ATP2A2: variants seen among roughly 807,000 people sequenced by gnomAD.
ATP2A2 encodes sarcoplasmic/endoplasmic reticulum calcium ATPase 2.
Under a neutral mutation model 109.3 loss-of-function variants are expected in ATP2A2, and 14 were observed. The ratio of observed to expected loss-of-function variants is 0.13; its 90% CI spans 0.08 to 0.20. The LOEUF (loss-of-function observed/expected upper bound fraction) is 0.20, where lower values mean the gene tolerates loss of function less well. Among genes scored for constraint, ATP2A2 ranks in the 10% least tolerant of loss-of-function variants. The pLI is 1.00. For missense variants in ATP2A2, 657 were observed against 1,321.6 expected (o/e 0.50, Z 7.80); for synonymous variants, 506 against 490.9 (o/e 1.03, Z -0.41).
intron 1 of ATP2A2, 139 bp downstream of exon 1, chr12:110,282,046 C>T (rs1872156412): frequency 1.7e-6 from 1 of 591,428 alleles, no homozygotes; most frequent in African/African-American, 2.0e-5. Flanking sequence ...AGCGCGCCGG[C>T]CCCGCGGGAG....
chr12:110,293,265 G>T (rs1289943579), intron 4 of ATP2A2, among the ~76,000 whole-genome samples: 2 of 151,232 alleles, frequency 1.3e-5, no homozygotes, highest in Non-Finnish European at 2.9e-5. Flanking sequence ...TAGTAGAGAC[G>T]GGGTTTCACC....
chr12:110,339,508 T>G lies in ATP2A2; in HGVS notation c.1548T>G (p.Ala516=). Residue 516 remains alanine (A), a synonymous_variant, in exon 13 of 20, where the codon GCT becomes GCG. Transcript: ENST00000539276. This position sits in a 1 kb window ranked among gnomAD's most constrained non-coding sequence, Gnocchi z 4.4. ...TAAATCTGTAACATTTCCAGGGTGC[T>G]CCTGAAGGTGTCATTGACAGGTGCA... ...TSMSKMFVKG[A]PEGVIDRCTH... The G allele has an allele frequency of 2.5e-6, 4 of 1,614,026 alleles. No individual in the cohort carries two copies. The highest frequency in any genetic ancestry group is 3.4e-6 in the Non-Finnish European group (4 of 1,179,964).
chr12:110,313,234 A>C (rs1327272362), intron 5 of ATP2A2, among the ~76,000 whole-genome samples: 1 of 151,708 alleles, frequency 6.6e-6, no homozygotes, highest in African/African-American at 2.4e-5. Flanking sequence ...GGAAGTGCCA[A>C]CCTTTTCATT....
In ATP2A2 at chr12:110,345,998, C is replaced by T. The variant is rs1400726668; in HGVS notation, c.2742-3C>T. On this transcript the variant is annotated splice_polypyrimidine_tract_variant and splice_region_variant and intron_variant, in intron 18 of 19. Coordinates refer to ENST00000539276, the MANE Select transcript of ATP2A2 (RefSeq NM_170665.4). Reference sequence around the variant, plus strand: ...CGTTTCCCCACCTCTCCTTGCTCTGCAGCTTGTCCGAAAACCAGTCCTTGC... The same window carrying T: ...CGTTTCCCCACCTCTCCTTGCTCTGTAGCTTGTCCGAAAACCAGTCCTTGC... The T allele has an allele frequency of 2.5e-6, 4 of 1,614,012 alleles. No homozygotes were observed. In the African/African-American group the frequency reaches 5.3e-5, roughly 22 times the overall value.
At chr12:110,291,695 A>G (rs145209966) in intron 3 of ATP2A2, among the ~76,000 whole-genome samples, 10 of 138,530 alleles carry the variant, frequency 7.2e-5, no homozygotes, top group Non-Finnish European at 1.1e-4. Context: ...CTGGAGTGCA[A>G]TGGCATGCAG....
chr12:110,334,851 G>T (rs1382668551), intron 11 of ATP2A2, among the ~76,000 whole-genome samples: 1 of 152,040 alleles, frequency 6.6e-6, no homozygotes, highest in East Asian at 1.9e-4. Context: ...GCCTCCCAAA[G>T]TGCTGGGATT....
In ATP2A2 at chr12:110,349,049, C is replaced by G. The variant is rs2137884805; in HGVS notation, c.*2579C>G. 2 of 985,452 alleles carry G rather than the reference C, an allele frequency of 2.0e-6. No individual in the cohort carries two copies. The highest frequency in any genetic ancestry group is 3.5e-5 in the African/African-American group (2 of 57,344). 61.0% of individuals were successfully genotyped at this position (985,452 alleles called of 1,614,324 possible). A position where few individuals can be genotyped will look rare whatever the true frequency, so the allele number is the denominator to read the frequency against. Reference sequence around the variant, plus strand: ...AGTTAGCTTCATGGTTTCTCAGCTTCAGACCCCTCCAGCCCACAGAGGAGC... The same window carrying G: ...AGTTAGCTTCATGGTTTCTCAGCTTGAGACCCCTCCAGCCCACAGAGGAGC... On this transcript the variant is annotated 3_prime_UTR_variant, in exon 20 of 20. Coordinates refer to ENST00000539276, the MANE Select transcript of ATP2A2 (RefSeq NM_170665.4).
intron 5 of ATP2A2, among the ~76,000 whole-genome samples, chr12:110,317,107 A>G (rs1020453619): frequency 1.3e-5 from 2 of 152,180 alleles, no homozygotes; most frequent in Non-Finnish European, 2.9e-5. Context: ...CAAATGAAGA[A>G]TTTCATTCAG....
At chr12:110,306,090 G>A (rs1875288380) in intron 5 of ATP2A2, among the ~76,000 whole-genome samples, 1 of 152,180 alleles carries the variant, frequency 6.6e-6, no homozygotes, top group South Asian at 2.1e-4. Context: ...ACAGGCTGGA[G>A]TGCAGTGGCA....
chr12:110,344,215 C>A (rs1264915074), intron 16 of ATP2A2, among the ~76,000 whole-genome samples: 1 of 152,088 alleles, frequency 6.6e-6, no homozygotes, highest in Non-Finnish European at 1.5e-5. Context: ...CACTGTAATT[C>A]GTGGGTTAGT....
chr12:110,282,090 T>A (rs1455874387), intron 1 of ATP2A2, among the ~76,000 whole-genome samples, 183 bp downstream of exon 1: 4 of 151,224 alleles, frequency 2.6e-5, no homozygotes, highest in Non-Finnish European at 4.4e-5. Context: ...TCGCCTTCCC[T>A]GGACCTCTTC....
In ATP2A2 at chr12:110,346,550, G is replaced by T; in HGVS notation, c.*80G>T. 1 of 1,580,896 alleles carries T rather than the reference G, an allele frequency of 6.3e-7. No homozygotes were observed. Among genetic ancestry groups the T allele is most frequent in the South Asian group, 1.1e-5 (1 of 87,354 alleles). Reference sequence around the variant, plus strand: ...TTTAAAGCAACTGTCTATTTCTGCTGAATTTTCACATGAACATACTGGCTG... The same window carrying T: ...TTTAAAGCAACTGTCTATTTCTGCTTAATTTTCACATGAACATACTGGCTG... On this transcript the variant is annotated 3_prime_UTR_variant, in exon 20 of 20. Coordinates refer to ENST00000539276, the MANE Select transcript of ATP2A2 (RefSeq NM_170665.4).
chr12:110,296,440 C>T, intron 4 of ATP2A2, 159 bp from the exon 5 acceptor site: 3 of 925,982 alleles, frequency 3.2e-6, no homozygotes, highest in South Asian at 2.8e-5. Context: ...AATAAATGTC[C>T]TTGTGTCTGT....
intron 5 of ATP2A2, among the ~76,000 whole-genome samples, chr12:110,318,211 G>C (rs1006513201): frequency 2.0e-5 from 3 of 152,204 alleles, no homozygotes; most frequent in Admixed American, 2.0e-4. Flanking sequence ...CACTTGAAAA[G>C]TATTCGGTGG....
At chr12:110,294,292 C>A (rs965523295) in intron 4 of ATP2A2, among the ~76,000 whole-genome samples, 10 of 152,158 alleles carry the variant, frequency 6.6e-5, no homozygotes, top group African/African-American at 2.4e-4. Context: ...ATCCGCCTGC[C>A]TCGGCCTCCC....
At chr12:110,285,028 G>A (rs1872528047) in intron 3 of ATP2A2, among the ~76,000 whole-genome samples, 2 of 152,088 alleles carry the variant, frequency 1.3e-5, no homozygotes, top group Admixed American at 6.6e-5. Flanking sequence ...GAAAAAACAT[G>A]GTAGAATATT....
Position 110,342,539 on chromosome 12 carries a change from C to A in ATP2A2, c.2318+91C>A. The stretch of plus-strand genomic sequence containing the variant: ...TCGCAGTTTGCTCTCCAGATTGCAG[C>A]AGCTTTGGTCTTTGTGCCTGAGTTG... On this transcript the variant is annotated intron_variant, in intron 15 of 19. Transcript: ENST00000539276. This position sits in a 1 kb window ranked among gnomAD's most constrained non-coding sequence, Gnocchi z 4.6. 2 of 1,419,282 alleles carry A rather than the reference C, an allele frequency of 1.4e-6. No individual in the cohort carries two copies. The highest frequency in any genetic ancestry group is 2.0e-6 in the Non-Finnish European group (2 of 1,023,950). 87.9% of individuals were successfully genotyped at this position (1,419,282 alleles called of 1,614,324 possible).
chr12:110,336,862 G>A (rs530732775), intron 11 of ATP2A2, among the ~76,000 whole-genome samples: 15 of 152,166 alleles, frequency 9.9e-5, no homozygotes, highest in Non-Finnish European at 1.8e-4. Flanking sequence ...TATTCACTCT[G>A]CCAGTAAGCA....
Position 110,349,165 on chromosome 12 carries a change from T to C in ATP2A2, c.*2695T>C, listed in dbSNP as rs879800321. 2.0e-6 allele frequency: 2 copies of C among 985,524 alleles called. No homozygotes were observed. Among genetic ancestry groups the C allele is most frequent in the South Asian group, 9.4e-5 (2 of 21,288 alleles). The allele number at this position is 985,524 out of a possible 1,614,324, so 61.0% of individuals were successfully genotyped here. On this transcript the variant is annotated 3_prime_UTR_variant, in exon 20 of 20. Transcript: ENST00000539276. ...AGCAGGGCCACTTGCTCCATTTCAC[T>C]GAAGGCTTTGCTGGGTGAAAACACT...
Sources: allele counts gnomAD v4.1 joint callset (sites outside exome capture counted in the v4.1 genomes callset), GRCh38; gene constraint gnomAD v4.1.1; non-coding constraint Gnocchi (gnomAD v3.1); transcripts MANE v1.5; gene names NCBI Gene and HGNC (gene_info 2026-07-23, HGNC 2026-07-21).